TOX4: variants seen among roughly 807,000 people sequenced by gnomAD.
The protein encoded by TOX4 is epidermal Langerhans cell protein LCP1.
In TOX4, 12 loss-of-function variants were observed where a neutral mutation model predicts 61.0. The ratio of observed to expected loss-of-function variants is 0.20; its 90% confidence interval spans 0.13 to 0.32. TOX4 has a LOEUF of 0.32. Ranked by LOEUF, TOX4 falls within the 10% of genes least tolerant of loss-of-function variation. The pLI, the probability that TOX4 is intolerant of heterozygous loss-of-function variation, is 1.00. For synonymous variants in TOX4, 268 were observed against 274.8 expected (o/e 0.98, Z 0.24); for missense variants, 499 against 753.3 (o/e 0.66, Z 3.95).
intron 5 of TOX4, among the ~76,000 whole-genome samples, chr14:21,491,115 G>A (rs190379040): frequency 1.8e-4 from 26 of 147,716 alleles, no homozygotes; most frequent in Admixed American, 1.6e-3. Context: ...GTGAGCCACC[G>A]CACCTGGCCT....
chr14:21,490,170 CAAAT>C (rs752214773), intron 5 of TOX4, among the ~76,000 whole-genome samples: 6 of 149,832 alleles, frequency 4.0e-5, no homozygotes, highest in Admixed American at 6.7e-5. Flanking sequence ...GACCCCGGCT[CAAAT>C]AAATAAATAA....
rs189842739 is a variant in TOX4 at position 21,494,039 on chromosome 14, G to A, written c.1641+782G>A. Among the ~76,000 whole-genome samples the A allele has an allele frequency of 2.1e-3, 321 of 152,104 alleles. 3 individuals carry two copies. The highest frequency in any genetic ancestry group is 7.9e-3 in the South Asian group (38 of 4,808). On this transcript the variant is annotated intron_variant, in intron 7 of 8. Transcript: ENST00000448790. ...GCAGGGATTACAGGCGTGAGCCACC[G>A]TGTGCCCCATAGTGTTTTTAGTGAG...
intron 2 of TOX4, among the ~76,000 whole-genome samples, chr14:21,479,110 G>A (rs980071023): frequency 6.9e-6 from 1 of 144,806 alleles, no homozygotes; most frequent in Non-Finnish European, 1.5e-5. Context: ...TGTGCCCAGT[G>A]CCAGTTTAAC....
At chr14:21,491,251 G>C (rs11156996) in intron 5 of TOX4, among the ~76,000 whole-genome samples, 139,792 of 152,274 alleles carry the variant, frequency 0.92, 64,282 homozygotes, top group Middle Eastern at 0.95. Flanking sequence ...GGGAGGAGTT[G>C]TTGTGGCCAT....
intron 2 of TOX4, 122 bp from the exon 3 acceptor site, chr14:21,487,329 A>G (rs573420736): frequency 1.5e-6 from 2 of 1,328,484 alleles, no homozygotes; most frequent in Admixed American, 4.6e-5. Flanking sequence ...TGATTATAAA[A>G]TAGGATCCTA....
At chr14:21,494,749 C>CA (rs71419140) in intron 7 of TOX4, among the ~76,000 whole-genome samples, 1,253 of 105,570 alleles carry the variant, frequency 0.012, 15 homozygotes, top group African/African-American at 0.037. Context: ...GACTCCGTCT[C>CA]AAAAAAAAAA....
At chr14:21,494,080 C>G (rs1409435221) in intron 7 of TOX4, among the ~76,000 whole-genome samples, 1 of 152,124 alleles carries the variant, frequency 6.6e-6, no homozygotes, top group East Asian at 1.9e-4. Context: ...TTAAGACAGT[C>G]TTCTGCCCCA....
At position 21,492,374 on chromosome 14, in the gene TOX4, C is replaced by A; in HGVS notation, c.889C>A (p.Gln297Lys). The change falls in exon 6 of 9, where the codon CAG (glutamine) becomes AAG (lysine). Residue 297 changes from glutamine to lysine, a missense_variant and splice_region_variant. By Grantham distance (53) the Gln-to-Lys change is moderately conservative. Around this residue, in one of 7 missense-constraint regions of TOX4, gnomAD observed 296 missense variants for 404.7 expected, o/e 0.73. Coordinates refer to ENST00000448790, the MANE Select transcript of TOX4 (RefSeq NM_014828.4). ...LAAYKDNQEC[Q>K]ATVETVELDP... ...TGCTTACAAAGACAACCAGGAGTGT[C>A]AGGTAAGAGGGATAGGATAGAATGA... is the stretch of plus-strand genomic sequence containing the variant. 1 of 1,613,658 alleles carries A rather than the reference C, an allele frequency of 6.2e-7. No individual in the cohort carries two copies. The highest frequency in any genetic ancestry group is 1.1e-5 in the South Asian group (1 of 91,002).
chr14:21,478,684 AT>A (rs1244602793), intron 2 of TOX4, among the ~76,000 whole-genome samples: 1 of 152,152 alleles, frequency 6.6e-6, no homozygotes, highest in African/African-American at 2.4e-5. Context: ...GGTGTGGACC[AT>A]TTGCATCAGT....
rs544629534 is a variant in TOX4 at position 21,497,521 on chromosome 14, G to GTTTTTTTTTT, written c.*930_*939dup. The GTTTTTTTTTT allele has an allele frequency of 3.6e-5, 4 of 110,932 alleles. No individual in the cohort carries two copies. The highest frequency in any genetic ancestry group is 5.7e-5 in the Non-Finnish European group (3 of 52,260). 6.9% of individuals were successfully genotyped at this position (110,932 alleles called of 1,614,324 possible). On this transcript the variant is annotated 3_prime_UTR_variant, in exon 9 of 9. Coordinates refer to ENST00000448790, the MANE Select transcript of TOX4 (RefSeq NM_014828.4). ...CATTCCTGTTTTCTGTGTGTTTTTTGTTTTTTTTTTTTTTTTTTTTTTTTG... is the reference window on the plus strand; with the variant it reads ...CATTCCTGTTTTCTGTGTGTTTTTTGTTTTTTTTTTTTTTTTTTTTTTTTTTTTTTTTTTG...
At position 21,485,874 on chromosome 14, in the gene TOX4, GA is replaced by G. The variant is rs552068062; in HGVS notation, c.76-1564del. Among the ~76,000 whole-genome samples, 167 of 75,338 alleles carry G rather than the reference GA, an allele frequency of 2.2e-3. 32 individuals are homozygous for G. Among genetic ancestry groups the G allele is most frequent in the African/African-American group, 5.0e-3 (98 of 19,552 alleles). The allele number at this position is 75,338 out of a possible 152,430, so 49.4% of individuals were successfully genotyped here. The stretch of plus-strand genomic sequence containing the variant: ...GAGCGAGACTCTGTCTCAAAAAAAA[GA>G]AAAAAAAAAAAAGACAGAAATGGTC... On this transcript the variant is annotated intron_variant, in intron 2 of 8. Coordinates refer to ENST00000448790, the MANE Select transcript of TOX4 (RefSeq NM_014828.4).
rs72684774 is a variant in TOX4 at position 21,483,890 on chromosome 14, C to G, written c.76-3561C>G. On this transcript the variant is annotated intron_variant, in intron 2 of 8. Transcript: ENST00000448790. ...TGATGTGATCTTGGCTCACTGCAGC[C>G]TTCAACTCCTGGGTTCAAGCGATTC... Among the ~76,000 whole-genome samples, 369 of 152,128 alleles carry G rather than the reference C, an allele frequency of 2.4e-3. 1 individual carries two copies. Among genetic ancestry groups the G allele is most frequent in the Admixed American group, 4.1e-3 (62 of 15,286 alleles).
chr14:21,489,286 T>C lies in TOX4; in HGVS notation c.693T>C (p.Ala231=). 6.2e-7 allele frequency: 1 copy of C among 1,614,186 alleles called. No homozygotes were observed. Among genetic ancestry groups the C allele is most frequent in the Non-Finnish European group, 8.5e-7 (1 of 1,180,038 alleles). ...NEPQKPVSAY[A]LFFRDTQAAI... is the part of the protein sequence containing the mutation. ...CTCAGAAACCAGTTTCAGCATATGC[T>C]TTATTCTTTCGTGATACACAGGCTG... Residue 231 remains alanine (A), a synonymous_variant, in exon 5 of 9, where the codon GCT becomes GCC. Coordinates refer to ENST00000448790, the MANE Select transcript of TOX4 (RefSeq NM_014828.4).
chr14:21,494,749 CAAAA>C (rs71419140), intron 7 of TOX4, among the ~76,000 whole-genome samples: 171 of 105,690 alleles, frequency 1.6e-3, no homozygotes, highest in Non-Finnish European at 1.7e-3. Flanking sequence ...GACTCCGTCT[CAAAA>C]AAAAAAAAAA....
At chr14:21,489,534 C>T (rs1224789372) in intron 5 of TOX4, 131 bp downstream of exon 5, 6 of 828,744 alleles carry the variant, frequency 7.2e-6, no homozygotes, top group Non-Finnish European at 1.1e-5. Context: ...AAATATCATC[C>T]CTTGTCTTCG....
chr14:21,478,196 C>T (rs1161120826), intron 2 of TOX4, among the ~76,000 whole-genome samples: 2 of 152,228 alleles, frequency 1.3e-5, no homozygotes, highest in Non-Finnish European at 2.9e-5. Flanking sequence ...CCTCGGCCTC[C>T]CGGAGTGCTG....
chr14:21,479,121 T>G (rs1367128216), intron 2 of TOX4, among the ~76,000 whole-genome samples: 1 of 133,764 alleles, frequency 7.5e-6, no homozygotes, highest in African/African-American at 2.8e-5. Flanking sequence ...CCAGTTTAAC[T>G]TTTTTGTTGC....
At chr14:21,483,604 G>C (rs975474695) in intron 2 of TOX4, among the ~76,000 whole-genome samples, 1 of 151,968 alleles carries the variant, frequency 6.6e-6, no homozygotes, top group African/African-American at 2.4e-5. Context: ...TTGAGCCCAA[G>C]AGTTCAAGGC....
At chr14:21,488,961 GT>G in intron 4 of TOX4, 111 bp downstream of exon 4, 1 of 1,467,334 alleles carries the variant, frequency 6.8e-7, no homozygotes, top group African/African-American at 1.4e-5. Flanking sequence ...CTCCTCTGCT[GT>G]TTTCTGGGTA....
Sources: allele counts gnomAD v4.1 joint callset (sites outside exome capture counted in the v4.1 genomes callset), GRCh38; gene constraint gnomAD v4.1.1; regional missense constraint gnomAD v4.1.1; transcripts MANE v1.5; gene names NCBI Gene and HGNC (gene_info 2026-07-23, HGNC 2026-07-21).